Variants in NLGN4X observed in about 807,000 individuals in gnomAD.
NLGN4X encodes neuroligin-4, X-linked.
NLGN4X carries 3 observed loss-of-function variants against 40.3 expected under a neutral mutation model. The observed-to-expected ratio is 0.07, with a 90% CI of 0.03 to 0.19. NLGN4X has a LOEUF of 0.19. NLGN4X is among the 10% of genes least tolerant of loss of function. The pLI is 1.00. For synonymous variants in NLGN4X, 270 were observed against 306.8 expected, an observed-to-expected ratio of 0.88 and a Z score of 1.25; for missense variants, 382 against 708.3, an observed-to-expected ratio of 0.54 and a Z score of 5.23.
intron 1 of NLGN4X, among the ~76,000 whole-genome samples, chrX:6,193,516 T>A (rs1922773962): frequency 1.0e-5 from 1 of 99,706 alleles, no homozygotes; most frequent in Non-Finnish European, 2.0e-5. Flanking sequence ...AAAACATACC[T>A]CTCTCCATCA....
chrX:6,167,069 C>CAAA (rs869227439), intron 1 of NLGN4X, among the ~76,000 whole-genome samples: 7 of 59,252 alleles, frequency 1.2e-4, no homozygotes, highest in African/African-American at 3.8e-4. Flanking sequence ...GAAACTGTCT[C>CAAA]AAAAAAAAAA....
chrX:6,077,439 C>T (rs1041041532), intron 2 of NLGN4X, among the ~76,000 whole-genome samples: 1 of 108,992 alleles, frequency 9.2e-6, no homozygotes, highest in Non-Finnish European at 1.9e-5. Flanking sequence ...TAGGCACACA[C>T]CAGGATGCCT....
chrX:6,156,444 G>T (rs2040268381), intron 1 of NLGN4X, among the ~76,000 whole-genome samples: 1 of 111,713 alleles, frequency 9.0e-6, no homozygotes, highest in African/African-American at 3.3e-5. Context: ...AGGAGGCGGA[G>T]CTTGCAGTGA....
intron 1 of NLGN4X, among the ~76,000 whole-genome samples, chrX:6,164,668 T>C (rs748852874): frequency 1.8e-5 from 2 of 111,558 alleles, no homozygotes; most frequent in African/African-American, 6.5e-5. Context: ...ATACCTCTCC[T>C]AATGAACTGT....
At chrX:6,097,833 G>A (rs753709551) in intron 2 of NLGN4X, among the ~76,000 whole-genome samples, 2 of 111,034 alleles carry the variant, frequency 1.8e-5, no homozygotes, top group Non-Finnish European at 3.8e-5. Context: ...CTCAAATCAT[G>A]GCCCTTTACA....
At chrX:6,142,487 T>C (rs1447551589) in intron 2 of NLGN4X, among the ~76,000 whole-genome samples, 2 of 112,601 alleles carry the variant, frequency 1.8e-5, no homozygotes, top group Non-Finnish European at 1.9e-5. Flanking sequence ...ATAAGCTGTG[T>C]CTACACAATG....
rs1012022981 is a variant in NLGN4X at position 5,890,852 on chromosome X, G to A, written c.*1965C>T. On this transcript the variant is annotated 3_prime_UTR_variant, in exon 6 of 6. Transcript: ENST00000381095. ...TAAAAACACTTTTCTTTTTTCTAGA[G>A]GTCACTCTCAAACACTGATATATCA... 3.1e-6 allele frequency: 1 copy of A among 317,915 alleles called. No individual in the cohort carries two copies. Among genetic ancestry groups the A allele is most frequent in the Admixed American group, 3.4e-5 (1 of 29,611 alleles). 26.2% of individuals were successfully genotyped at this position (317,915 alleles called of 1,213,427 possible).
At chrX:5,937,550 T>C (rs903835298) in intron 3 of NLGN4X, among the ~76,000 whole-genome samples, 1 of 111,677 alleles carries the variant, frequency 9.0e-6, no homozygotes, top group Non-Finnish European at 1.9e-5. Flanking sequence ...AAGTTCACAT[T>C]TGAGTCTAGA....
intron 3 of NLGN4X, among the ~76,000 whole-genome samples, chrX:5,968,534 T>A (rs1305992864): frequency 2.1e-5 from 2 of 93,876 alleles, no homozygotes; most frequent in Non-Finnish European, 4.2e-5. Context: ...TAATAATGTA[T>A]CAATGTGTTT....
At chrX:6,207,044 T>TCTCTCTCA (rs1556007275) in intron 1 of NLGN4X, among the ~76,000 whole-genome samples, 2 of 110,186 alleles carry the variant, frequency 1.8e-5, no homozygotes, top group African/African-American at 6.6e-5. Flanking sequence ...TCTCTCTCTC[T>TCTCTCTCA]CACACACACA....
intron 2 of NLGN4X, among the ~76,000 whole-genome samples, chrX:6,055,611 A>G (rs1330260589): frequency 1.9e-5 from 2 of 107,415 alleles, no homozygotes; most frequent in African/African-American, 6.8e-5. Flanking sequence ...AAATCTGTAC[A>G]TGTATCAAAT....
intron 2 of NLGN4X, among the ~76,000 whole-genome samples, chrX:6,142,235 T>C (rs951093905): frequency 7.1e-5 from 8 of 112,412 alleles, no homozygotes; most frequent in African/African-American, 2.3e-4. Context: ...TTCTTAATTA[T>C]TCAAACAGGC....
At chrX:6,077,215 A>G (rs1479334815) in intron 2 of NLGN4X, among the ~76,000 whole-genome samples, 1 of 110,812 alleles carries the variant, frequency 9.0e-6, no homozygotes, top group Non-Finnish European at 1.9e-5. Context: ...ATTTTATATG[A>G]TATTTTTCCA....
intron 3 of NLGN4X, among the ~76,000 whole-genome samples, chrX:5,949,205 C>T (rs956424583): frequency 1.8e-5 from 2 of 112,018 alleles, no homozygotes; most frequent in East Asian, 2.8e-4. Flanking sequence ...ACTCAATTTG[C>T]AAGAGCATCT....
chrX:6,057,771 G>A (rs185059141), intron 2 of NLGN4X, among the ~76,000 whole-genome samples: 403 of 111,590 alleles, frequency 3.6e-3, no homozygotes, highest in Non-Finnish European at 4.9e-3. Context: ...TGTAATCTAA[G>A]GGAAGATGAT....
At chrX:5,999,776 C>T (rs968492525) in intron 3 of NLGN4X, among the ~76,000 whole-genome samples, 2 of 112,140 alleles carry the variant, frequency 1.8e-5, no homozygotes, top group Non-Finnish European at 3.8e-5. Context: ...CGCTGGCTAG[C>T]TCTTGGGGAA....
At chrX:6,096,993 T>C (rs931177842) in intron 2 of NLGN4X, among the ~76,000 whole-genome samples, 1 of 109,753 alleles carries the variant, frequency 9.1e-6, no homozygotes, top group African/African-American at 3.3e-5. Context: ...TCTTCATCTT[T>C]CATCTATTGT....
intron 2 of NLGN4X, among the ~76,000 whole-genome samples, chrX:6,033,235 A>AAC (rs10652436): frequency 8.2e-5 from 9 of 110,231 alleles, no homozygotes; most frequent in African/African-American, 2.6e-4. Flanking sequence ...GGCAAGCAAA[A>AAC]ACACAGTAAA....
rs140626603 is a variant in NLGN4X at position 6,007,243 on chromosome X, A to G, written c.625+22037T>C. 1.2e-4 allele frequency among the ~76,000 whole-genome samples: 13 copies of G among 111,769 alleles called. No individual in the cohort carries two copies. The East Asian group carries it at 3.4e-3, about 29-fold the overall frequency. The stretch of plus-strand genomic sequence containing the variant: ...AGTCCAACACTGCATGTTTTTACTT[A>G]TAAGTGGGAGCTAAACAACAGGTGC... On this transcript the variant is annotated intron_variant, in intron 3 of 5. Transcript: ENST00000381095.
Sources: allele counts gnomAD v4.1 joint callset (sites outside exome capture counted in the v4.1 genomes callset), GRCh38; gene constraint gnomAD v4.1.1; transcripts MANE v1.5; gene names NCBI Gene and HGNC (gene_info 2026-07-23, HGNC 2026-07-21).